The following CTNND2 variants were observed in gnomAD, a reference collection of about 807,000 sequenced individuals.
CTNND2 encodes the protein catenin delta-2.
Under a neutral mutation model 144.4 loss-of-function variants are expected in CTNND2, and 22 were observed. The ratio of observed to expected loss-of-function variants is 0.15; its 90% CI spans 0.11 to 0.22. CTNND2 has a LOEUF of 0.22. Among genes scored for constraint, CTNND2 ranks in the 10% least tolerant of loss-of-function variants. The probability of loss-of-function intolerance (pLI) is 1.00; values close to 1 mark genes in which losing one functional copy is unlikely to be tolerated. For missense variants in CTNND2, 1,353 were observed against 1,618.8 expected, an observed-to-expected ratio of 0.84 and a Z score of 2.82; for synonymous variants, 751 against 695.6, an observed-to-expected ratio of 1.08 and a Z score of -1.25.
At chr5:11,358,719 C>T (rs182386167) in intron 8 of CTNND2, among the ~76,000 whole-genome samples, 1 of 152,302 alleles carries the variant, frequency 6.6e-6, no homozygotes, top group East Asian at 1.9e-4. Context: ...TAAACACTGG[C>T]TATTCTTGCA....
chr5:11,629,137 GA>G (rs1374428995), intron 2 of CTNND2, among the ~76,000 whole-genome samples: 4 of 152,112 alleles, frequency 2.6e-5, no homozygotes, highest in Non-Finnish European at 5.9e-5. Context: ...CAGAACAAAT[GA>G]AAATGTTAGA....
At chr5:11,586,412 A>C (rs1421823913) in intron 2 of CTNND2, among the ~76,000 whole-genome samples, 4 of 152,214 alleles carry the variant, frequency 2.6e-5, no homozygotes, top group Non-Finnish European at 4.4e-5. Context: ...TGACTCAAAA[A>C]ACATTTGTTG....
At chr5:11,713,758 C>G (rs1581761534) in intron 2 of CTNND2, among the ~76,000 whole-genome samples, 2 of 151,892 alleles carry the variant, frequency 1.3e-5, no homozygotes, top group African/African-American at 4.8e-5. Flanking sequence ...TAACACAGAG[C>G]CTTAATTCTG....
intron 3 of CTNND2, among the ~76,000 whole-genome samples, chr5:11,495,633 G>A (rs1386623231): frequency 6.6e-6 from 1 of 152,074 alleles, no homozygotes; most frequent in Non-Finnish European, 1.5e-5. Context: ...GCTTATTCTG[G>A]GCATCTTCAC....
At chr5:11,721,837 T>C (rs895394664) in intron 2 of CTNND2, among the ~76,000 whole-genome samples, 1 of 152,198 alleles carries the variant, frequency 6.6e-6, no homozygotes, top group Non-Finnish European at 1.5e-5. Flanking sequence ...CCTGGTCACA[T>C]GCATTCCCTT....
At chr5:11,655,028 T>C (rs1782838318) in intron 2 of CTNND2, among the ~76,000 whole-genome samples, 1 of 152,120 alleles carries the variant, frequency 6.6e-6, no homozygotes, top group Non-Finnish European at 1.5e-5. Flanking sequence ...TATATTATCT[T>C]GCTGCCCTGT....
At chr5:11,467,307 C>T (rs1378403765) in intron 3 of CTNND2, among the ~76,000 whole-genome samples, 2 of 151,516 alleles carry the variant, frequency 1.3e-5, no homozygotes. Flanking sequence ...TCTTCCACTT[C>T]CTGCATGGTT....
chr5:11,185,629 GAA>G (rs1735548054), intron 11 of CTNND2, among the ~76,000 whole-genome samples: 2 of 152,174 alleles, frequency 1.3e-5, no homozygotes, highest in Non-Finnish European at 2.9e-5. Context: ...GTTGCTAAGT[GAA>G]AAGAGTTTTG....
intron 16 of CTNND2, among the ~76,000 whole-genome samples, chr5:11,071,124 C>A (rs1748226107): frequency 1.3e-5 from 2 of 152,136 alleles, no homozygotes; most frequent in African/African-American, 4.8e-5. Context: ...ATCTTAGGAA[C>A]AAAGGTACGT....
chr5:11,360,205 G>A (rs1185710949), intron 8 of CTNND2, among the ~76,000 whole-genome samples: 3 of 152,186 alleles, frequency 2.0e-5, no homozygotes, highest in Non-Finnish European at 4.4e-5. Flanking sequence ...GGAAGGTCTA[G>A]AGGAGAGATA....
In CTNND2 at chr5:11,296,487, A is replaced by G. The variant is rs191261584; in HGVS notation, c.1628+49885T>C. 1.2e-4 allele frequency among the ~76,000 whole-genome samples: 19 copies of G among 152,354 alleles called. No homozygotes were observed. The East Asian group carries it at 3.7e-3, about 29-fold the overall frequency. On this transcript the variant is annotated intron_variant, in intron 9 of 21. Transcript: ENST00000304623. ...ACCCAGCCATCCCATTACTGGGTAT[A>G]TACCCAAAAGATTATAAAACATGCT...
rs373000724 is a variant in CTNND2, at chr5:11,614,242, G to C, written c.175-49186C>G. Among the ~76,000 whole-genome samples, 7 of 152,090 alleles carry C rather than the reference G, an allele frequency of 4.6e-5. No homozygotes were observed. The East Asian group carries it at 9.6e-4, about 21-fold the overall frequency. ...TTTTATGTAGAGACTATGTTTAGCA[G>C]GTTAAATAAAATATCTTTAATTTAC... On this transcript the variant is annotated intron_variant, in intron 2 of 21. Coordinates refer to ENST00000304623, the MANE Select transcript of CTNND2 (RefSeq NM_001332.4).
chr5:11,078,928 T>A (rs571379237), intron 16 of CTNND2, among the ~76,000 whole-genome samples: 9 of 152,360 alleles, frequency 5.9e-5, no homozygotes, highest in African/African-American at 2.2e-4. Flanking sequence ...TCCCGCTGTA[T>A]AATGAATTAC....
chr5:11,413,224 A>G (rs1009199494), intron 3 of CTNND2, among the ~76,000 whole-genome samples: 1 of 152,226 alleles, frequency 6.6e-6, no homozygotes, highest in African/African-American at 2.4e-5. Context: ...CTTGCACAAA[A>G]AGATGTGACA....
intron 10 of CTNND2, among the ~76,000 whole-genome samples, chr5:11,214,713 C>G (rs1738990633): frequency 6.6e-6 from 1 of 152,176 alleles, no homozygotes; most frequent in South Asian, 2.1e-4. Flanking sequence ...GCTTCCATCT[C>G]TCATTATTGT....
At chr5:11,418,783 C>A (rs1295938634) in intron 3 of CTNND2, among the ~76,000 whole-genome samples, 1 of 151,964 alleles carries the variant, frequency 6.6e-6, no homozygotes. Context: ...TTTTTGAAAT[C>A]CCCTCATATG....
At position 11,568,353 on chromosome 5, in the gene CTNND2, G is replaced by A. The variant is rs545452108; in HGVS notation, c.175-3297C>T. ...TAGGCTTCCTCCTTTCTGCACTGCT[G>A]TGTGGAAACTCTCTCAAGGCAATCA... On this transcript the variant is annotated intron_variant, in intron 2 of 21. Coordinates refer to ENST00000304623, the MANE Select transcript of CTNND2 (RefSeq NM_001332.4). Among the ~76,000 whole-genome samples the A allele has an allele frequency of 9.2e-5, 14 of 152,268 alleles. No individual in the cohort carries two copies. The East Asian group carries it at 2.5e-3, about 27-fold the overall frequency.
rs966812023 is a variant in CTNND2, at chr5:11,084,048, G to T, written c.2638-1202C>A. 5 of 706,484 alleles carry T rather than the reference G, an allele frequency of 7.1e-6. No individual in the cohort carries two copies. The African/African-American group carries it at 9.6e-5, about 14-fold the overall frequency. The allele number at this position is 706,484 out of a possible 1,614,324, so 43.8% of individuals were successfully genotyped here. A position where few individuals can be genotyped will look rare whatever the true frequency, so the allele number is the denominator to read the frequency against. On this transcript the variant is annotated intron_variant, in intron 15 of 21. Transcript: ENST00000304623. ...TTTCTTATCACCATCAACCCACACT[G>T]TATGCTTTTGTCTCACCTCTACTTT...
intron 14 of CTNND2, among the ~76,000 whole-genome samples, chr5:11,107,079 T>A (rs1455810194): frequency 6.6e-6 from 1 of 152,192 alleles, no homozygotes; most frequent in Non-Finnish European, 1.5e-5. Flanking sequence ...TAAGACCTTA[T>A]GAATTTTGCT....
Sources: gnomAD v4.1 joint callset for allele counts (sites outside exome capture counted in the v4.1 genomes callset) on GRCh38, gnomAD v4.1.1 for gene constraint, MANE v1.5 for transcripts, NCBI Gene and HGNC (gene_info 2026-07-23, HGNC 2026-07-21) for gene names.